RBFOX1: variants seen among roughly 807,000 people sequenced by gnomAD.
The protein encoded by RBFOX1 is RNA binding protein fox-1 homolog 1.
RBFOX1 carries 8 observed loss-of-function variants against 57.7 expected under a neutral mutation model. The observed-to-expected ratio is 0.14, with a 90% confidence interval of 0.08 to 0.25. The LOEUF (loss-of-function observed/expected upper bound fraction) is 0.25. RBFOX1 is among the 10% of genes least tolerant of loss of function. RBFOX1 has a pLI of 1.00. For synonymous variants in RBFOX1, 326 were observed against 222.4 expected (o/e 1.47, Z -4.15); for missense variants, 611 against 548.5 (o/e 1.11, Z -1.14).
Position 7,712,361 on chromosome 16 carries a change from G to C in RBFOX1, c.*1616G>C, listed in dbSNP as rs1386260179. The C allele has an allele frequency of 6.6e-6, 1 of 152,528 alleles. No individual in the cohort carries two copies. The highest frequency in any genetic ancestry group is 6.6e-5 in the Admixed American group (1 of 15,250). The allele number at this position is 152,528 out of a possible 1,614,324, so 9.4% of individuals were successfully genotyped here. A position where few individuals can be genotyped will look rare whatever the true frequency, so the allele number is the denominator to read the frequency against. ...ACCGCTGTGAACCTGCCAATCCGCT[G>C]TAACAACTCTGCTTTAAAACAAAAC... On this transcript the variant is annotated 3_prime_UTR_variant, in exon 16 of 16. Coordinates refer to ENST00000550418, the MANE Select transcript of RBFOX1 (RefSeq NM_018723.4).
chr16:6,210,727 CA>C (rs374391755), intron 1 of RBFOX1, among the ~76,000 whole-genome samples: 3 of 144,206 alleles, frequency 2.1e-5, no homozygotes, highest in Non-Finnish European at 4.6e-5. Context: ...TCCCTCTCAA[CA>C]AAAAAAAAGA....
chr16:5,802,063 G>A (rs777081865), intron 3 of RBFOX1, among the ~76,000 whole-genome samples: 1 of 152,034 alleles, frequency 6.6e-6, no homozygotes, highest in East Asian at 1.9e-4. Flanking sequence ...AATCTGATTC[G>A]CAGGTTCCTT....
chr16:5,374,344 G>A (rs2065934857), intron 1 of RBFOX1, among the ~76,000 whole-genome samples: 2 of 152,328 alleles, frequency 1.3e-5, no homozygotes, highest in South Asian at 4.2e-4. Context: ...AGGAGATAGA[G>A]GCTCTCCCTG....
intron 4 of RBFOX1, among the ~76,000 whole-genome samples, chr16:7,271,033 A>G (rs941380388): frequency 1.3e-5 from 2 of 152,150 alleles, no homozygotes; most frequent in Non-Finnish European, 2.9e-5. Context: ...ATTGCTGGGT[A>G]ATTTAAGCCT....
At chr16:6,902,726 A>G (rs1883338817) in intron 3 of RBFOX1, among the ~76,000 whole-genome samples, 1 of 152,208 alleles carries the variant, frequency 6.6e-6, no homozygotes, top group South Asian at 2.1e-4. Flanking sequence ...CATGTAGAGA[A>G]CAGGAAGAAG....
chr16:6,245,829 C>T (rs574872614), intron 1 of RBFOX1, among the ~76,000 whole-genome samples: 1 of 152,190 alleles, frequency 6.6e-6, no homozygotes, highest in African/African-American at 2.4e-5. Context: ...TAATTCCATT[C>T]CTTGGTCATT....
intron 3 of RBFOX1, among the ~76,000 whole-genome samples, chr16:6,973,381 A>G (rs542576029): frequency 6.6e-6 from 1 of 152,218 alleles, no homozygotes; most frequent in Non-Finnish European, 1.5e-5. Context: ...AGATAATTCA[A>G]CTATAAGAGA....
At chr16:6,966,838 T>A (rs1289213974) in intron 3 of RBFOX1, among the ~76,000 whole-genome samples, 2 of 151,616 alleles carry the variant, frequency 1.3e-5, no homozygotes, top group African/African-American at 4.9e-5. Flanking sequence ...TGTCTATCTA[T>A]CTATCCATCC....
intron 2 of RBFOX1, among the ~76,000 whole-genome samples, chr16:6,436,347 A>G (rs1239593520): frequency 6.6e-6 from 1 of 152,120 alleles, no homozygotes; most frequent in Non-Finnish European, 1.5e-5. Flanking sequence ...TACCACCAAT[A>G]GCCATAAGCA....
intron 4 of RBFOX1, among the ~76,000 whole-genome samples, chr16:7,373,659 G>C (rs1030596280): frequency 1.3e-5 from 2 of 151,780 alleles, no homozygotes; most frequent in Non-Finnish European, 2.9e-5. Context: ...AATAAGAAGT[G>C]GTGTCTGACC....
intron 4 of RBFOX1, among the ~76,000 whole-genome samples, chr16:7,428,325 T>TTC (rs2098642791): frequency 8.2e-6 from 1 of 122,308 alleles, no homozygotes; most frequent in Non-Finnish European, 1.5e-5. Flanking sequence ...ATTAATATCT[T>TTC]TTTTTTTTTT....
At chr16:6,515,949 G>A (rs562697901) in intron 2 of RBFOX1, among the ~76,000 whole-genome samples, 7 of 152,024 alleles carry the variant, frequency 4.6e-5, no homozygotes, top group Non-Finnish European at 4.4e-5. Context: ...TATTTTTTTA[G>A]GTACTGGTAC....
At chr16:5,884,007 C>T (rs145483834) in intron 4 of RBFOX1, among the ~76,000 whole-genome samples, 2 of 152,184 alleles carry the variant, frequency 1.3e-5, no homozygotes, top group African/African-American at 4.8e-5. Flanking sequence ...GATGTGATTT[C>T]TGGTTCTCTT....
intron 1 of RBFOX1, among the ~76,000 whole-genome samples, chr16:5,462,986 A>T (rs2068839262): frequency 6.6e-6 from 1 of 152,274 alleles, no homozygotes; most frequent in Admixed American, 6.5e-5. Flanking sequence ...TGATACATTT[A>T]TAAAAAGAAA....
At chr16:6,808,422 T>A (rs1296052739) in intron 3 of RBFOX1, among the ~76,000 whole-genome samples, 1 of 152,070 alleles carries the variant, frequency 6.6e-6, no homozygotes, top group African/African-American at 2.4e-5. Flanking sequence ...GAGTTCCTTT[T>A]CTTGCAGTGA....
At chr16:6,829,139 A>G (rs890800221) in intron 3 of RBFOX1, among the ~76,000 whole-genome samples, 2 of 152,094 alleles carry the variant, frequency 1.3e-5, no homozygotes, top group African/African-American at 4.8e-5. Flanking sequence ...GTAATTGTCT[A>G]ATAAGTGGAA....
chr16:6,422,867 C>T (rs933432788), intron 2 of RBFOX1, among the ~76,000 whole-genome samples: 1 of 152,142 alleles, frequency 6.6e-6, no homozygotes, highest in Non-Finnish European at 1.5e-5. Context: ...GAGATCCAAA[C>T]CATGTCAAAT....
At chr16:7,647,535 A>C (rs949278558) in intron 11 of RBFOX1, among the ~76,000 whole-genome samples, 2 of 131,128 alleles carry the variant, frequency 1.5e-5, no homozygotes, top group Non-Finnish European at 3.3e-5. Context: ...GTTAACTTGA[A>C]ATTGAACTAG....
intron 1 of RBFOX1, among the ~76,000 whole-genome samples, chr16:6,210,481 G>A (rs1032360017): frequency 2.6e-5 from 4 of 151,800 alleles, no homozygotes; most frequent in African/African-American, 4.8e-5. Context: ...TATAATCCCA[G>A]CACTTTAAGA....
Sources: allele counts gnomAD v4.1 joint callset (sites outside exome capture counted in the v4.1 genomes callset), GRCh38; gene constraint gnomAD v4.1.1; transcripts MANE v1.5; gene names NCBI Gene and HGNC (gene_info 2026-07-23, HGNC 2026-07-21).